Variants in AK5 observed in about 807,000 individuals in gnomAD.
The protein encoded by AK5 is adenylate kinase 5.
Under a neutral mutation model 69.5 loss-of-function variants are expected in AK5, and 27 were observed. The ratio of observed to expected loss-of-function variants is 0.39; its 90% CI spans 0.29 to 0.54. AK5 has a LOEUF of 0.54. AK5 is among the 20% of genes least tolerant of loss of function. The pLI, the probability that AK5 is intolerant of heterozygous loss-of-function variation, is 0.71. For synonymous variants in AK5, 260 were observed against 244.4 expected, an observed-to-expected ratio of 1.06 and a Z score of -0.60; for missense variants, 531 against 700.4, an observed-to-expected ratio of 0.76 and a Z score of 2.73.
At chr1:77,421,639 T>C (rs1650819725) in intron 8 of AK5, among the ~76,000 whole-genome samples, 1 of 152,160 alleles carries the variant, frequency 6.6e-6, no homozygotes, top group Non-Finnish European at 1.5e-5. Flanking sequence ...AGCTTATTTA[T>C]ATGCCCAGGA....
chr1:77,470,984 A>T (rs1360584974), intron 8 of AK5, among the ~76,000 whole-genome samples: 1 of 146,596 alleles, frequency 6.8e-6, no homozygotes, highest in Non-Finnish European at 1.5e-5. Flanking sequence ...GGGTTCAAGC[A>T]ATTCTCCTGC....
At chr1:77,543,127 G>C (rs1659364937) in intron 13 of AK5, among the ~76,000 whole-genome samples, 1 of 152,200 alleles carries the variant, frequency 6.6e-6, no homozygotes, top group Non-Finnish European at 1.5e-5. Context: ...CATGCTGTCA[G>C]GAGAAGCCCT....
At chr1:77,283,045 G>C in intron 1 of AK5, 1 of 985,628 alleles carries the variant, frequency 1.0e-6, no homozygotes, top group Non-Finnish European at 1.2e-6. Context: ...GGAGATAGCG[G>C]GTCGGGGAGG....
chr1:77,480,550 A>C (rs752387788), intron 8 of AK5, among the ~76,000 whole-genome samples: 1 of 152,166 alleles, frequency 6.6e-6, no homozygotes, highest in Non-Finnish European at 1.5e-5. Context: ...TAGAAGAAAG[A>C]TCTAATACAG....
At chr1:77,547,768 C>T (rs889576411) in intron 13 of AK5, among the ~76,000 whole-genome samples, 2 of 151,988 alleles carry the variant, frequency 1.3e-5, no homozygotes, top group African/African-American at 4.8e-5. Context: ...TCTTAATTTT[C>T]CAAAAATTGG....
At chr1:77,479,593 G>A (rs187821284) in intron 8 of AK5, among the ~76,000 whole-genome samples, 11 of 152,198 alleles carry the variant, frequency 7.2e-5, no homozygotes, top group East Asian at 5.8e-4. Context: ...GTGCCTTGGC[G>A]CCCCATACAT....
intron 8 of AK5, among the ~76,000 whole-genome samples, chr1:77,461,942 A>G (rs1425916971): frequency 6.6e-6 from 1 of 152,236 alleles, no homozygotes; most frequent in African/African-American, 2.4e-5. Flanking sequence ...CCATTTCACA[A>G]TGTATATATA....
At chr1:77,530,270 T>C (rs1334424090) in intron 12 of AK5, among the ~76,000 whole-genome samples, 1 of 152,146 alleles carries the variant, frequency 6.6e-6, no homozygotes, top group Non-Finnish European at 1.5e-5. Context: ...TGCGTAATGG[T>C]GTGTGGGGGG....
intron 6 of AK5, among the ~76,000 whole-genome samples, chr1:77,376,451 C>CAAAAAAAAAAAAAAAAAAAAAAAA (rs762576175): frequency 1.2e-4 from 5 of 41,052 alleles, no homozygotes; most frequent in African/African-American, 4.5e-4. Flanking sequence ...AAAAAAAAAA[C>CAAAAAAAAAAAAAAAAAAAAAAAA]AAAAAAAAAA....
chr1:77,414,851 C>T (rs1380049442), intron 7 of AK5, among the ~76,000 whole-genome samples: 1 of 152,018 alleles, frequency 6.6e-6, no homozygotes, highest in Non-Finnish European at 1.5e-5. Flanking sequence ...TATATTTTCC[C>T]TCTATTTTTT....
intron 10 of AK5, among the ~76,000 whole-genome samples, chr1:77,517,247 T>G (rs1347937236): frequency 6.6e-6 from 1 of 152,176 alleles, no homozygotes; most frequent in Non-Finnish European, 1.5e-5. Flanking sequence ...CACATCATCC[T>G]GCTAGCAAGT....
rs150002948 is a variant in AK5, at chr1:77,292,395, G to T, written c.248-1398G>T. Reference sequence around the variant, plus strand: ...TCTGTGGTCAATGGCCTTATTTATTGTATCAACAGAGAATGGAAAGTTCTA... The same window carrying T: ...TCTGTGGTCAATGGCCTTATTTATTTTATCAACAGAGAATGGAAAGTTCTA... On this transcript the variant is annotated intron_variant, in intron 2 of 13. Coordinates refer to ENST00000354567, the MANE Select transcript of AK5 (RefSeq NM_174858.3). 1.0e-3 allele frequency among the ~76,000 whole-genome samples: 152 copies of T among 152,180 alleles called. 1 individual carries two copies. The highest frequency in any genetic ancestry group is 3.5e-3 in the African/African-American group (144 of 41,516).
intron 13 of AK5, among the ~76,000 whole-genome samples, chr1:77,547,515 G>T (rs556958136): frequency 8.2e-4 from 124 of 152,022 alleles, no homozygotes; most frequent in African/African-American, 2.9e-3. Context: ...CTCTTGATCT[G>T]CCCGCCTCGG....
At chr1:77,537,237 C>T (rs909012860) in intron 13 of AK5, among the ~76,000 whole-genome samples, 3 of 151,882 alleles carry the variant, frequency 2.0e-5, no homozygotes, top group East Asian at 3.9e-4. Context: ...CGGGGGTGCA[C>T]GCCACACCAG....
chr1:77,296,878 C>G (rs1659035927), intron 3 of AK5, among the ~76,000 whole-genome samples: 1 of 152,132 alleles, frequency 6.6e-6, no homozygotes, highest in Non-Finnish European at 1.5e-5. Flanking sequence ...TTTCCAGCAT[C>G]ATTTATTGAA....
intron 5 of AK5, among the ~76,000 whole-genome samples, chr1:77,316,466 G>C (rs1211297264): frequency 6.6e-6 from 1 of 151,956 alleles, no homozygotes. Context: ...TTCTCAACTA[G>C]ATAAATATGG....
At chr1:77,503,837 G>A (rs1340981560) in intron 10 of AK5, among the ~76,000 whole-genome samples, 1 of 151,890 alleles carries the variant, frequency 6.6e-6, no homozygotes, top group Non-Finnish European at 1.5e-5. Context: ...CCCAGGAGGT[G>A]GAGGTTGCAG....
At chr1:77,483,914 C>T (rs1356795336) in intron 9 of AK5, among the ~76,000 whole-genome samples, 1 of 152,174 alleles carries the variant, frequency 6.6e-6, no homozygotes, top group Admixed American at 6.5e-5. Flanking sequence ...CCTGTAATCC[C>T]AGCACTTTGG....
intron 13 of AK5, among the ~76,000 whole-genome samples, chr1:77,558,098 A>C (rs1347474481): frequency 6.6e-6 from 1 of 152,248 alleles, no homozygotes; most frequent in Non-Finnish European, 1.5e-5. Flanking sequence ...TCCATCCATT[A>C]AAATACTGAA....
Sources: gnomAD v4.1 joint callset for allele counts (sites outside exome capture counted in the v4.1 genomes callset) on GRCh38, gnomAD v4.1.1 for gene constraint, MANE v1.5 for transcripts, NCBI Gene and HGNC (gene_info 2026-07-23, HGNC 2026-07-21) for gene names.